The following RASA1 variants were observed in gnomAD, a reference collection of about 807,000 sequenced individuals.
RASA1 encodes the protein RAS p21 protein activator 1.
RASA1 carries 25 observed loss-of-function variants against 132.2 expected under a neutral mutation model. That is an observed-to-expected ratio of 0.19 (90% CI 0.14 to 0.26). The LOEUF (loss-of-function observed/expected upper bound fraction) is 0.26. RASA1 is among the 10% of genes least tolerant of loss of function. RASA1 has a pLI of 1.00. For synonymous variants in RASA1, 477 were observed against 449.9 expected (o/e 1.06, Z -0.76); for missense variants, 964 against 1,299.2 (o/e 0.74, Z 3.97).
chr5:87,373,588 A>G (rs997763813), intron 13 of RASA1, among the ~76,000 whole-genome samples: 1 of 152,172 alleles, frequency 6.6e-6, no homozygotes, highest in Non-Finnish European at 1.5e-5. Flanking sequence ...CAAGTAGTAT[A>G]TGGCAAGAGA....
chr5:87,342,971 G>A (rs1034037541), intron 6 of RASA1, among the ~76,000 whole-genome samples: 1 of 152,078 alleles, frequency 6.6e-6, no homozygotes, highest in African/African-American at 2.4e-5. Context: ...CTTTTTATCT[G>A]ATAGCATTGT....
intron 17 of RASA1, among the ~76,000 whole-genome samples, chr5:87,378,051 T>C: frequency 6.6e-6 from 1 of 152,192 alleles, no homozygotes; most frequent in East Asian, 1.9e-4. Context: ...TTTCAAAGCA[T>C]GGGGTCAATG....
chr5:87,315,587 C>A (rs1756266785), intron 1 of RASA1, among the ~76,000 whole-genome samples: 1 of 152,164 alleles, frequency 6.6e-6, no homozygotes, highest in Admixed American at 6.5e-5. Flanking sequence ...AAGAAGTGTG[C>A]TATCTTTTGG....
intron 24 of RASA1, among the ~76,000 whole-genome samples, chr5:87,390,427 C>T (rs1288277766): frequency 1.3e-5 from 2 of 151,828 alleles, no homozygotes; most frequent in Non-Finnish European, 2.9e-5. Context: ...TTCTCCCCGC[C>T]CCTCCCCCCG....
intron 1 of RASA1, among the ~76,000 whole-genome samples, chr5:87,311,186 A>G (rs1755889524): frequency 1.3e-5 from 2 of 152,216 alleles, no homozygotes; most frequent in Admixed American, 6.5e-5. Flanking sequence ...CTGACAAACT[A>G]TGGTTATTTA....
intron 23 of RASA1, among the ~76,000 whole-genome samples, chr5:87,388,030 T>C (rs1410590035): frequency 1.3e-5 from 2 of 152,226 alleles, no homozygotes; most frequent in East Asian, 3.8e-4. Context: ...ACCTCAATTA[T>C]TATCTCCTTC....
In RASA1 at chr5:87,290,845, C is replaced by T. The variant is rs61320922; in HGVS notation, c.539+21855C>T. Among the ~76,000 whole-genome samples the T allele has an allele frequency of 1.7e-3, 258 of 152,244 alleles. 1 individual carries two copies. In the Middle Eastern group the frequency reaches 0.017, roughly 10 times the overall value. On this transcript the variant is annotated intron_variant, in intron 1 of 24. Transcript: ENST00000274376. ...GCTAATTTCTTTTTTTGTCTGAATG[C>T]ACCATAATTTATCCAGTCAGCTAGT... is the stretch of plus-strand genomic sequence containing the variant.
chr5:87,334,414 G>A (rs1561288881), intron 4 of RASA1, among the ~76,000 whole-genome samples: 2 of 152,170 alleles, frequency 1.3e-5, no homozygotes, highest in Admixed American at 6.5e-5. Flanking sequence ...ACTGTCCTCT[G>A]ATTCAAATGC....
At chr5:87,302,691 A>G (rs1755426548) in intron 1 of RASA1, among the ~76,000 whole-genome samples, 1 of 150,292 alleles carries the variant, frequency 6.7e-6, no homozygotes, top group Admixed American at 6.6e-5. Context: ...TGTAATCCAT[A>G]CTTAAAGAAC....
intron 1 of RASA1, among the ~76,000 whole-genome samples, chr5:87,272,586 A>G (rs1212140311): frequency 6.6e-6 from 1 of 151,856 alleles, no homozygotes; most frequent in Non-Finnish European, 1.5e-5. Context: ...TATTCGTCAC[A>G]GTACTTGGGC....
intron 4 of RASA1, among the ~76,000 whole-genome samples, chr5:87,335,638 G>A (rs1757921481): frequency 6.6e-6 from 1 of 150,676 alleles, no homozygotes; most frequent in Non-Finnish European, 1.5e-5. Context: ...GTTGGCCAGG[G>A]TAGTCTTGAA....
chr5:87,310,277 G>T (rs1184503866), intron 1 of RASA1, among the ~76,000 whole-genome samples: 1 of 152,106 alleles, frequency 6.6e-6, no homozygotes, highest in African/African-American at 2.4e-5. Flanking sequence ...TTCCATAGAT[G>T]TGTGATTCAT....
Position 87,390,657 on chromosome 5 carries a change from T to C in RASA1, c.3061-143T>C, listed in dbSNP as rs1047861360. On this transcript the variant is annotated intron_variant, in intron 24 of 24. Transcript: ENST00000274376. ...AAATACTCAGCCAATGACTGAATAA[T>C]AGAGACTTATGTTTTGAGGGGAATT... 6 of 731,306 alleles carry C rather than the reference T, an allele frequency of 8.2e-6. No individual in the cohort carries two copies. In the African/African-American group the frequency reaches 1.1e-4, roughly 13 times the overall value. 45.3% of individuals were successfully genotyped at this position (731,306 alleles called of 1,614,324 possible). A position where few individuals can be genotyped will look rare whatever the true frequency, so the allele number is the denominator to read the frequency against.
At chr5:87,356,088 T>C (rs776933158) in intron 9 of RASA1, among the ~76,000 whole-genome samples, 1 of 152,188 alleles carries the variant, frequency 6.6e-6, no homozygotes, top group Non-Finnish European at 1.5e-5. Context: ...TGAAAACAAA[T>C]AATTTAGAAT....
rs1043950564 is a variant in RASA1 at position 87,287,577 on chromosome 5, C to A, written c.539+18587C>A. Among the ~76,000 whole-genome samples, 6 of 147,850 alleles carry A rather than the reference C, an allele frequency of 4.1e-5. 1 individual carries two copies. Among genetic ancestry groups the A allele is most frequent in the Non-Finnish European group, 9.0e-5 (6 of 66,852 alleles). ...TATATATACACCATACATATACACA[C>A]CATATATATACACCATACATATACA... On this transcript the variant is annotated intron_variant, in intron 1 of 24. Transcript: ENST00000274376.
intron 1 of RASA1, among the ~76,000 whole-genome samples, chr5:87,306,509 GTA>G (rs1286770293): frequency 6.6e-6 from 1 of 151,748 alleles, no homozygotes; most frequent in Non-Finnish European, 1.5e-5. Flanking sequence ...TGACTAATAG[GTA>G]CCAGGCTTAA....
At chr5:87,346,938 C>CCCCT (rs1382088793) in intron 7 of RASA1, among the ~76,000 whole-genome samples, 1 of 151,942 alleles carries the variant, frequency 6.6e-6, no homozygotes, top group African/African-American at 2.4e-5. Context: ...TTACCCCAGG[C>CCCCT]CCCTGTCCAC....
At chr5:87,309,700 T>C (rs1302628379) in intron 1 of RASA1, among the ~76,000 whole-genome samples, 1 of 152,138 alleles carries the variant, frequency 6.6e-6, no homozygotes, top group African/African-American at 2.4e-5. Context: ...CTTTGTATAT[T>C]TCTTTGATTT....
rs1182367007 is a variant in RASA1, at chr5:87,391,752, G to A, written c.*869G>A. 1 of 232,534 alleles carries A rather than the reference G, an allele frequency of 4.3e-6. No homozygotes were observed. Among genetic ancestry groups the A allele is most frequent in the Non-Finnish European group, 8.5e-6 (1 of 117,488 alleles). The allele number at this position is 232,534 out of a possible 1,614,324, so 14.4% of individuals were successfully genotyped here. A position where few individuals can be genotyped will look rare whatever the true frequency, so the allele number is the denominator to read the frequency against. On this transcript the variant is annotated 3_prime_UTR_variant, in exon 25 of 25. Coordinates refer to ENST00000274376, the MANE Select transcript of RASA1 (RefSeq NM_002890.3). ...TTTGTGCTACCCCTTTGATTATGCA[G>A]ACAACCTCATCAGCTGCCTAACTTA...
Sources: gnomAD v4.1 joint callset for allele counts (sites outside exome capture counted in the v4.1 genomes callset) on GRCh38, gnomAD v4.1.1 for gene constraint, MANE v1.5 for transcripts, NCBI Gene and HGNC (gene_info 2026-07-23, HGNC 2026-07-21) for gene names.